FOXN3: variants seen among roughly 807,000 people sequenced by gnomAD.
FOXN3 encodes the protein forkhead box N3.
A neutral mutation model predicts 38.4 loss-of-function variants in FOXN3; 7 were observed. The ratio of observed to expected loss-of-function variants is 0.18; its 90% CI spans 0.10 to 0.34. The LOEUF is 0.34. FOXN3 is among the 10% of genes least tolerant of loss of function. FOXN3 has a pLI of 1.00. For missense variants in FOXN3, 456 were observed against 613.4 expected (o/e 0.74, Z 2.71); for synonymous variants, 230 against 242.2 (o/e 0.95, Z 0.47).
At chr14:89,304,272 C>T (rs979438149) in intron 3 of FOXN3, among the ~76,000 whole-genome samples, 2 of 152,132 alleles carry the variant, frequency 1.3e-5, no homozygotes, top group Non-Finnish European at 2.9e-5. Flanking sequence ...CCTCTGCTGA[C>T]GACATTTCTT....
At chr14:89,252,727 CA>C (rs768081288) in intron 4 of FOXN3, among the ~76,000 whole-genome samples, 1 of 150,970 alleles carries the variant, frequency 6.6e-6, no homozygotes, top group East Asian at 1.9e-4. Context: ...TATGAGGACT[CA>C]AAATGCAAAT....
intron 1 of FOXN3, among the ~76,000 whole-genome samples, chr14:89,448,058 C>T (rs986038916): frequency 3.3e-5 from 5 of 151,856 alleles, no homozygotes; most frequent in Admixed American, 6.6e-5. Context: ...GTGATCCGCC[C>T]GCCTCGGCCT....
chr14:89,577,706 C>T (rs573728120), intron 1 of FOXN3, among the ~76,000 whole-genome samples: 1 of 152,160 alleles, frequency 6.6e-6, no homozygotes, highest in South Asian at 2.1e-4. Flanking sequence ...GTGCCTGCTT[C>T]GGACCCGGGG....
At chr14:89,579,421 G>C (rs1425115497) in intron 1 of FOXN3, among the ~76,000 whole-genome samples, 2 of 152,104 alleles carry the variant, frequency 1.3e-5, no homozygotes, top group South Asian at 4.1e-4. Context: ...CTCCCAAAGT[G>C]CTAGGATTAC....
chr14:89,293,378 C>G (rs2139936750), intron 3 of FOXN3, among the ~76,000 whole-genome samples: 1 of 152,322 alleles, frequency 6.6e-6, no homozygotes, highest in Middle Eastern at 3.4e-3. Flanking sequence ...GAAATTCCTC[C>G]TCTCACAGTC....
At chr14:89,535,117 A>G (rs916499082) in intron 1 of FOXN3, among the ~76,000 whole-genome samples, 2 of 152,066 alleles carry the variant, frequency 1.3e-5, no homozygotes, top group African/African-American at 4.8e-5. Context: ...ATCTCAATGG[A>G]GCATTTTCTC....
chr14:89,424,822 C>T (rs563225457), intron 1 of FOXN3, among the ~76,000 whole-genome samples: 2 of 151,936 alleles, frequency 1.3e-5, no homozygotes, highest in South Asian at 4.2e-4. Context: ...GAGGTTGAAG[C>T]TACAGTAAGC....
intron 4 of FOXN3, among the ~76,000 whole-genome samples, chr14:89,200,470 G>C (rs1888208955): frequency 6.6e-6 from 1 of 152,184 alleles, no homozygotes; most frequent in African/African-American, 2.4e-5. Flanking sequence ...CAATTCTAAG[G>C]TGGTGTTAGG....
intron 2 of FOXN3, among the ~76,000 whole-genome samples, chr14:89,354,811 T>C (rs12895386): frequency 0.99 from 150,735 of 151,658 alleles, 74,918 homozygotes; most frequent in Middle Eastern, 1. Context: ...GCTGAGATCG[T>C]GCCATTGCAC....
At chr14:89,284,760 A>G (rs931082958) in intron 3 of FOXN3, among the ~76,000 whole-genome samples, 1 of 152,236 alleles carries the variant, frequency 6.6e-6, no homozygotes, top group African/African-American at 2.4e-5. Flanking sequence ...CCAACAGGTT[A>G]AGAGGACCTT....
chr14:89,355,046 GA>G (rs1276054150), intron 2 of FOXN3: 2 of 151,078 alleles, frequency 1.3e-5, no homozygotes, highest in East Asian at 3.9e-4. Flanking sequence ...ATGGAAAAAT[GA>G]GTAAAAAAAA....
At chr14:89,458,380 C>T (rs1272449391) in intron 1 of FOXN3, among the ~76,000 whole-genome samples, 1 of 152,226 alleles carries the variant, frequency 6.6e-6, no homozygotes, top group Admixed American at 6.5e-5. Flanking sequence ...TGAGCAGCCC[C>T]TCCTTGTGTG....
At chr14:89,282,198 CAA>C (rs1472018683) in intron 3 of FOXN3, among the ~76,000 whole-genome samples, 1 of 152,114 alleles carries the variant, frequency 6.6e-6, no homozygotes, top group Non-Finnish European at 1.5e-5. Flanking sequence ...AGCTACAGCA[CAA>C]AAATGCTATC....
intron 1 of FOXN3, among the ~76,000 whole-genome samples, chr14:89,612,639 A>T (rs1896415841): frequency 6.6e-6 from 1 of 151,764 alleles, no homozygotes; most frequent in African/African-American, 2.4e-5. Context: ...CTACAAAAAT[A>T]AAAAATTAGC....
intron 4 of FOXN3, among the ~76,000 whole-genome samples, chr14:89,256,948 A>C (rs367695938): frequency 2.0e-5 from 3 of 152,252 alleles, no homozygotes; most frequent in African/African-American, 7.2e-5. Flanking sequence ...TATAAAAAGC[A>C]GTATAGTTTA....
intron 3 of FOXN3, among the ~76,000 whole-genome samples, chr14:89,342,223 A>G (rs1888636982): frequency 6.6e-6 from 1 of 152,226 alleles, no homozygotes; most frequent in East Asian, 1.9e-4. Context: ...AAATAGATAT[A>G]ATCAGCCCAG....
chr14:89,413,074 T>G (rs574397027), intron 1 of FOXN3, among the ~76,000 whole-genome samples: 1 of 152,262 alleles, frequency 6.6e-6, no homozygotes, highest in South Asian at 2.1e-4. Context: ...CATCCCCATT[T>G]TTATCAATGA....
At chr14:89,289,197 A>G (rs1009850577) in intron 3 of FOXN3, among the ~76,000 whole-genome samples, 3 of 6,546 alleles carry the variant, frequency 4.6e-4, no homozygotes, top group African/African-American at 6.7e-4. Flanking sequence ...AAAAAAAAAA[A>G]GAAAAGAAAA....
At chr14:89,488,746 C>T (rs1017081187) in intron 1 of FOXN3, among the ~76,000 whole-genome samples, 3 of 151,862 alleles carry the variant, frequency 2.0e-5, no homozygotes, top group Non-Finnish European at 4.4e-5. Context: ...GGAGGAAGAA[C>T]ACACACACAA....
Sources: allele counts gnomAD v4.1 joint callset (sites outside exome capture counted in the v4.1 genomes callset), GRCh38; gene constraint gnomAD v4.1.1; transcripts MANE v1.5; gene names NCBI Gene and HGNC (gene_info 2026-07-23, HGNC 2026-07-21).